Variants in ABCC9 observed in about 807,000 individuals in gnomAD.
ABCC9 encodes the protein ATP binding cassette subfamily C member 9.
ABCC9 carries 95 observed loss-of-function variants against 188.3 expected under a neutral mutation model. The observed-to-expected ratio is 0.50, with a 90% CI of 0.43 to 0.60. The LOEUF (loss-of-function observed/expected upper bound fraction) is 0.60, where lower values mean the gene tolerates loss of function less well. Ranked by LOEUF, ABCC9 falls within the 20% of genes least tolerant of loss-of-function variation. ABCC9 has a pLI of 0.00. For missense variants in ABCC9, 1,102 were observed against 1,876.3 expected (o/e 0.59, Z 7.62); for synonymous variants, 659 against 652.7 (o/e 1.01, Z -0.15).
chr12:21,825,743 G>A (rs564056210), intron 31 of ABCC9, among the ~76,000 whole-genome samples: 1 of 152,200 alleles, frequency 6.6e-6, no homozygotes, highest in South Asian at 2.1e-4. Flanking sequence ...GTATACCTAT[G>A]TTACAAACAT....
intron 18 of ABCC9, among the ~76,000 whole-genome samples, chr12:21,866,382 A>T (rs1945783664): frequency 6.6e-6 from 1 of 152,042 alleles, no homozygotes; most frequent in Non-Finnish European, 1.5e-5. Flanking sequence ...AGATCATAAA[A>T]GAAATCCTTT....
chr12:21,806,067 A>G lies in ABCC9; in HGVS notation c.4450-7T>C. The G allele has an allele frequency of 6.2e-7, 1 of 1,604,112 alleles. No individual in the cohort carries two copies. The highest frequency in any genetic ancestry group is 8.5e-7 in the Non-Finnish European group (1 of 1,172,886). On this transcript the variant is annotated splice_polypyrimidine_tract_variant and splice_region_variant and intron_variant, in intron 38 of 39. Coordinates refer to ENST00000261200, the MANE Select transcript of ABCC9 (RefSeq NM_020297.4). ...CTTTTTGCAAAATATTCTCCTGCAA[A>G]AAAAAAAAAGTGTAAATTTTCTCGG...
Position 21,801,094 on chromosome 12 carries a change from A to G in ABCC9, c.4600T>C (p.Leu1534=), listed in dbSNP as rs1275854967. The G allele has an allele frequency of 1.2e-6, 2 of 1,613,924 alleles. No homozygotes were observed. Among genetic ancestry groups the G allele is most frequent in the Non-Finnish European group, 8.5e-7 (1 of 1,179,954 alleles). Residue 1534 remains leucine (L), a synonymous_variant, in exon 40 of 40, where the codon TTG becomes CTG. Transcript: ENST00000261200. ...ILEYDTPESL[L]AQENGVFASF... is the part of the protein sequence containing the mutation. ...GCAAATACTCCATTTTCCTGAGCCA[A>G]GAGGCTTTCTGGAGTGTCATATTCT... is the stretch of plus-strand genomic sequence containing the variant.
intron 30 of ABCC9, among the ~76,000 whole-genome samples, chr12:21,829,340 T>C (rs1229243361): frequency 6.6e-6 from 1 of 151,832 alleles, no homozygotes; most frequent in East Asian, 1.9e-4. Context: ...TAGCTGGGAC[T>C]ACAGGCACCC....
rs1944609638 is a variant in ABCC9 at position 21,845,474 on chromosome 12, A to G, written c.3096+129T>C. 1.7e-5 allele frequency: 12 copies of G among 726,404 alleles called. No individual in the cohort carries two copies. In the South Asian group the frequency reaches 2.0e-4, roughly 12 times the overall value. 45.0% of individuals were successfully genotyped at this position (726,404 alleles called of 1,614,324 possible). The stretch of plus-strand genomic sequence containing the variant: ...TTCTATTTCAGGTCCTGTTGTAATT[A>G]TTAACTTATTAAATTATCACAGAAG... On this transcript the variant is annotated intron_variant, in intron 26 of 39. Coordinates refer to ENST00000261200, the MANE Select transcript of ABCC9 (RefSeq NM_020297.4).
chr12:21,927,041 T>C (rs1949071653), intron 4 of ABCC9, among the ~76,000 whole-genome samples: 2 of 152,152 alleles, frequency 1.3e-5, no homozygotes, highest in Admixed American at 1.3e-4. Flanking sequence ...AGGAGAGGTA[T>C]GGTTGACAAT....
intron 32 of ABCC9, 141 bp downstream of exon 32, chr12:21,818,009 T>TCCCCCC: frequency 2.8e-6 from 1 of 354,864 alleles, no homozygotes; most frequent in Non-Finnish European, 5.7e-6. Context: ...TTCCCTCCCC[T>TCCCCCC]CACCCCCACC....
intron 16 of ABCC9, among the ~76,000 whole-genome samples, chr12:21,879,025 G>A (rs1289388330): frequency 6.6e-6 from 1 of 152,130 alleles, no homozygotes; most frequent in African/African-American, 2.4e-5. Flanking sequence ...ATCATAACGG[G>A]GTTTATGATA....
intron 32 of ABCC9, 80 bp from the exon 33 acceptor site, chr12:21,817,387 A>G: frequency 1.4e-6 from 2 of 1,416,268 alleles, no homozygotes; most frequent in Non-Finnish European, 9.8e-7. Context: ...TTTTGGAACG[A>G]GATAACTTGG....
At chr12:21,880,293 TA>T (rs1946558337) in intron 16 of ABCC9, among the ~76,000 whole-genome samples, 1 of 152,166 alleles carries the variant, frequency 6.6e-6, no homozygotes. Flanking sequence ...TCAAAGCTTT[TA>T]GGAGCTAATA....
chr12:21,925,155 A>G (rs1201054108), intron 5 of ABCC9: 2 of 194,490 alleles, frequency 1.0e-5, no homozygotes, highest in Non-Finnish European at 2.1e-5. Flanking sequence ...GGAGGTTCAT[A>G]GCCCATCTGT....
At chr12:21,902,726 C>T (rs773439318) in intron 12 of ABCC9, among the ~76,000 whole-genome samples, 1 of 152,110 alleles carries the variant, frequency 6.6e-6, no homozygotes, top group Admixed American at 6.5e-5. Flanking sequence ...CATACAGCCT[C>T]CCAAGACTAA....
intron 31 of ABCC9, among the ~76,000 whole-genome samples, chr12:21,825,775 C>A (rs1943343292): frequency 6.6e-6 from 1 of 151,900 alleles, no homozygotes; most frequent in Non-Finnish European, 1.5e-5. Context: ...GTATGTATCC[C>A]AGAACTTAAA....
Position 21,915,514 on chromosome 12 carries a change from A to ATATATATATATATTTTTTTTTTTT in ABCC9, c.816+153_816+154insAAAAAAAAAAAATATATATATATA. ...TGTGTGTGTGTGTATATATATATAT[A>ATATATATATATATTTTTTTTTTTT]TTTTTTTTTTTTTTTTGAGACAGAG... On this transcript the variant is annotated intron_variant, in intron 7 of 39. Coordinates refer to ENST00000261200, the MANE Select transcript of ABCC9 (RefSeq NM_020297.4). 8.5e-4 allele frequency among the ~76,000 whole-genome samples: 3 copies of ATATATATATATATTTTTTTTTTTT among 3,522 alleles called. 1 individual carries two copies. Among genetic ancestry groups the ATATATATATATATTTTTTTTTTTT allele is most frequent in the Admixed American group, 6.7e-3 (1 of 150 alleles). The allele number at this position is 3,522 out of a possible 152,430, so 2.3% of individuals were successfully genotyped here.
At chr12:21,892,996 A>G (rs1188227082) in intron 14 of ABCC9, among the ~76,000 whole-genome samples, 2 of 152,202 alleles carry the variant, frequency 1.3e-5, no homozygotes, top group Non-Finnish European at 2.9e-5. Flanking sequence ...CAAAAGCCAG[A>G]TATAAATATG....
rs749787335 is a variant in ABCC9 at position 21,818,118 on chromosome 12, T to G, written c.3771+32A>C. ...AGTGAGAACATGCGGTGTTTGGTTA[T>G]CTGTTCCTGTAATATTTTTATCCAT... On this transcript the variant is annotated intron_variant, in intron 32 of 39. Coordinates refer to ENST00000261200, the MANE Select transcript of ABCC9 (RefSeq NM_020297.4). 3.3e-5 allele frequency: 48 copies of G among 1,472,492 alleles called. No individual in the cohort carries two copies. The Admixed American group carries it at 7.9e-4, about 24-fold the overall frequency. The allele number at this position is 1,472,492 out of a possible 1,614,324, so 91.2% of individuals were successfully genotyped here. A position where few individuals can be genotyped will look rare whatever the true frequency, so the allele number is the denominator to read the frequency against.
chr12:21,806,619 A>G (rs1941865666), intron 38 of ABCC9, among the ~76,000 whole-genome samples: 1 of 152,142 alleles, frequency 6.6e-6, no homozygotes, highest in African/African-American at 2.4e-5. Flanking sequence ...CTTTCTTTCA[A>G]TCATTTAATT....
intron 39 of ABCC9, among the ~76,000 whole-genome samples, chr12:21,804,467 C>T (rs1451642990): frequency 6.6e-6 from 1 of 152,188 alleles, no homozygotes; most frequent in Non-Finnish European, 1.5e-5. Flanking sequence ...CCTACCTTTT[C>T]CAGCAAGAAA....
At chr12:21,895,071 C>T (rs2137746132) in intron 13 of ABCC9, among the ~76,000 whole-genome samples, 1 of 152,112 alleles carries the variant, frequency 6.6e-6, no homozygotes, top group South Asian at 2.1e-4. Context: ...AGAGGGCAGC[C>T]CCTAGAACAA....
Sources: allele counts gnomAD v4.1 joint callset (sites outside exome capture counted in the v4.1 genomes callset), GRCh38; gene constraint gnomAD v4.1.1; transcripts MANE v1.5; gene names NCBI Gene and HGNC (gene_info 2026-07-23, HGNC 2026-07-21).